NRG1: variants seen among roughly 807,000 people sequenced by gnomAD.
The protein encoded by NRG1 is pro-neuregulin-1, membrane-bound isoform.
A neutral mutation model predicts 63.8 loss-of-function variants in NRG1; 18 were observed. The observed-to-expected ratio is 0.28, with a 90% confidence interval of 0.19 to 0.42. The LOEUF is 0.42. NRG1 is among the 10% of genes least tolerant of loss of function. NRG1 has a pLI of 1.00. For missense variants in NRG1, 762 were observed against 814.7 expected (o/e 0.94, Z 0.79); for synonymous variants, 302 against 301.3 (o/e 1.00, Z -0.02).
chr8:31,932,971 GA>G (rs554897336), intron 1 of NRG1, among the ~76,000 whole-genome samples: 235 of 152,174 alleles, frequency 1.5e-3, no homozygotes, highest in African/African-American at 5.4e-3. Context: ...CTCATATTTT[GA>G]ACTTTGTTTT....
intron 1 of NRG1, among the ~76,000 whole-genome samples, chr8:31,707,843 A>T (rs1413938552): frequency 6.6e-6 from 1 of 152,168 alleles, no homozygotes; most frequent in African/African-American, 2.4e-5. Flanking sequence ...GTGTATAATC[A>T]TAGCTTCTGT....
At chr8:32,660,326 G>T (rs553092891) in intron 5 of NRG1, among the ~76,000 whole-genome samples, 122 of 152,196 alleles carry the variant, frequency 8.0e-4, no homozygotes, top group African/African-American at 2.9e-3. Flanking sequence ...ATATGAAGTA[G>T]GTATCTCATT....
chr8:31,838,789 T>A (rs1378719937), intron 1 of NRG1, among the ~76,000 whole-genome samples: 2 of 152,194 alleles, frequency 1.3e-5, no homozygotes, highest in Non-Finnish European at 2.9e-5. Flanking sequence ...AAAAAAATAT[T>A]TTAGCAATTG....
intron 1 of NRG1, among the ~76,000 whole-genome samples, chr8:32,236,682 G>T (rs1483559293): frequency 6.6e-6 from 1 of 152,202 alleles, no homozygotes; most frequent in African/African-American, 2.4e-5. Flanking sequence ...CCTCTTCATG[G>T]GGAATAAGAC....
At chr8:32,404,274 A>G (rs1385454963) in intron 1 of NRG1, among the ~76,000 whole-genome samples, 2 of 152,130 alleles carry the variant, frequency 1.3e-5, no homozygotes, top group South Asian at 2.1e-4. Context: ...GGGCGGGGGT[A>G]ATGACAAAAA....
intron 1 of NRG1, among the ~76,000 whole-genome samples, chr8:32,046,320 G>A (rs192123438): frequency 7.2e-5 from 11 of 152,220 alleles, no homozygotes; most frequent in Non-Finnish European, 1.3e-4. Flanking sequence ...AGGATGTGGA[G>A]CAACTAGACT....
chr8:31,669,545 A>G (rs1806900626), intron 1 of NRG1, among the ~76,000 whole-genome samples: 1 of 152,086 alleles, frequency 6.6e-6, no homozygotes, highest in African/African-American at 2.4e-5. Context: ...AGCCTTATAC[A>G]ATATTTTTAA....
intron 1 of NRG1, among the ~76,000 whole-genome samples, chr8:32,217,745 A>T (rs1845393158): frequency 6.6e-6 from 1 of 152,120 alleles, no homozygotes; most frequent in South Asian, 2.1e-4. Flanking sequence ...CTCAACTTAC[A>T]ATTCTTGAAA....
At chr8:32,010,134 C>A (rs528756055) in intron 1 of NRG1, among the ~76,000 whole-genome samples, 1 of 151,964 alleles carries the variant, frequency 6.6e-6, no homozygotes, top group Non-Finnish European at 1.5e-5. Context: ...CAATAGCTTG[C>A]GTCTTATTCT....
chr8:32,763,520 A>G (rs772944358), intron 11 of NRG1, among the ~76,000 whole-genome samples: 2 of 152,222 alleles, frequency 1.3e-5, no homozygotes, highest in Non-Finnish European at 2.9e-5. Flanking sequence ...TTGATGAGCT[A>G]GGCAATTTAG....
Position 32,744,830 on chromosome 8 carries a change from C to T in NRG1, c.691+2097C>T, listed in dbSNP as rs577172388. Among the ~76,000 whole-genome samples the T allele has an allele frequency of 5.3e-5, 8 of 152,162 alleles. No individual in the cohort carries two copies. The East Asian group carries it at 1.2e-3, about 22-fold the overall frequency. ...AATATTTTCAACTTCTCTTTTAGAC[C>T]ATTTGCTTTTTCAGAAGATATCATT... On this transcript the variant is annotated intron_variant, in intron 7 of 11. Transcript: ENST00000356819.
intron 5 of NRG1, among the ~76,000 whole-genome samples, chr8:32,630,430 C>T (rs1469497995): frequency 6.6e-6 from 1 of 152,086 alleles, no homozygotes; most frequent in East Asian, 1.9e-4. Context: ...CCAGTGCGCA[C>T]ACATTTGGGA....
At chr8:31,879,638 A>G (rs1443740078) in intron 1 of NRG1, among the ~76,000 whole-genome samples, 2 of 152,142 alleles carry the variant, frequency 1.3e-5, no homozygotes, top group African/African-American at 4.8e-5. Flanking sequence ...TTTGTTGTAC[A>G]TATTATTACA....
chr8:32,048,742 T>A (rs982562999), intron 1 of NRG1, among the ~76,000 whole-genome samples: 1 of 151,968 alleles, frequency 6.6e-6, no homozygotes, highest in Non-Finnish European at 1.5e-5. Flanking sequence ...ATTTTTCATA[T>A]GCCCGATGGC....
At chr8:32,760,221 A>G (rs1830443347) in exon 11 of NRG1, 1 of 1,614,028 alleles carries the variant, frequency 6.2e-7, no homozygotes, top group Admixed American at 1.7e-5. Context: ...GACACACTGA[A>G]AGCATCCTTT....
intron 1 of NRG1, among the ~76,000 whole-genome samples, chr8:32,056,921 A>T (rs1823042152): frequency 6.6e-6 from 1 of 152,190 alleles, no homozygotes; most frequent in Admixed American, 6.6e-5. Flanking sequence ...ATGATTTGGG[A>T]AATGCAGGTA....
At chr8:31,992,972 A>G (rs1295682622) in intron 1 of NRG1, among the ~76,000 whole-genome samples, 2 of 151,750 alleles carry the variant, frequency 1.3e-5, no homozygotes, top group African/African-American at 4.9e-5. Flanking sequence ...TACCCAAACA[A>G]TTAGTCAGCT....
At chr8:32,480,856 C>T (rs1311524169) in intron 1 of NRG1, among the ~76,000 whole-genome samples, 5 of 152,158 alleles carry the variant, frequency 3.3e-5, no homozygotes, top group African/African-American at 2.4e-5. Context: ...GTGAGAACAA[C>T]ACCACGCTAT....
chr8:32,425,635 A>G (rs1373711213), intron 1 of NRG1, among the ~76,000 whole-genome samples: 1 of 152,188 alleles, frequency 6.6e-6, no homozygotes, highest in Non-Finnish European at 1.5e-5. Context: ...TAGAGCCCAT[A>G]TTGCCCACAG....
Sources: gnomAD v4.1 joint callset for allele counts (sites outside exome capture counted in the v4.1 genomes callset) on GRCh38, gnomAD v4.1.1 for gene constraint, MANE v1.5 for transcripts, NCBI Gene and HGNC (gene_info 2026-07-23, HGNC 2026-07-21) for gene names.